The following MRC2 variants were observed in gnomAD, a reference collection of about 807,000 sequenced individuals.
MRC2 encodes the protein C-type mannose receptor 2.
MRC2 carries 84 observed loss-of-function variants against 206.2 expected under a neutral mutation model. The observed-to-expected ratio is 0.41, with a 90% CI of 0.34 to 0.49. The LOEUF (loss-of-function observed/expected upper bound fraction) is 0.49. Among genes scored for constraint, MRC2 ranks in the 20% least tolerant of loss-of-function variants. The probability of loss-of-function intolerance (pLI) is 0.31; values close to 1 mark genes in which losing one functional copy is unlikely to be tolerated. For synonymous variants in MRC2, 798 were observed against 800.0 expected (o/e 1.00, Z 0.04); for missense variants, 1,676 against 2,001.5 (o/e 0.84, Z 3.10).
chr17:62,690,630 C>A lies in MRC2; in HGVS notation c.3893-12C>A. ...ACCCATCCGCCCTGACGTGGGCCTT[C>A]TTTGCATCCAGCGGGTGGGGCCGTC... On this transcript the variant is annotated splice_polypyrimidine_tract_variant and intron_variant, in intron 26 of 29. Coordinates refer to ENST00000303375, the MANE Select transcript of MRC2 (RefSeq NM_006039.5). 6.3e-7 allele frequency: 1 copy of A among 1,592,742 alleles called. No homozygotes were observed. The highest frequency in any genetic ancestry group is 8.5e-7 in the Non-Finnish European group (1 of 1,169,962).
At chr17:62,677,200 C>A (rs2088903645) in intron 11 of MRC2, 69 bp from the exon 12 acceptor site, 1 of 1,341,588 alleles carries the variant, frequency 7.5e-7, no homozygotes, top group Non-Finnish European at 1.0e-6. Flanking sequence ...TAGTGCCCTG[C>A]CGGGATGTGA....
chr17:62,648,335 C>T (rs1568053468), intron 1 of MRC2, among the ~76,000 whole-genome samples: 1 of 152,200 alleles, frequency 6.6e-6, no homozygotes, highest in Non-Finnish European at 1.5e-5. Context: ...ACCCGGGAGG[C>T]GGAGGTTGCG....
intron 1 of MRC2, among the ~76,000 whole-genome samples, chr17:62,648,619 T>C (rs751814957): frequency 6.6e-6 from 1 of 152,132 alleles, no homozygotes; most frequent in Non-Finnish European, 1.5e-5. Context: ...TCTCCTTGCA[T>C]CTCCCTCCTG....
rs2089065933 is a variant in MRC2, at chr17:62,688,905, G to A, written c.3279G>A (p.Trp1093Ter). The change falls in exon 23 of 30, where the codon TGG becomes TGA. Residue 1093 changes from tryptophan to a stop codon, truncating the protein, a stop_gained. Transcript: ENST00000303375. LOFTEE classifies it high-confidence loss of function. ...HSPSAHFTGR[W>*]DDRSCTEETH... is the part of the protein sequence containing the mutation. ...CCTCAGCCCACTTCACTGGCCGCTG[G>A]GACGATCGGAGCTGCACGGAGGAGA... The A allele has an allele frequency of 2.5e-6, 4 of 1,613,820 alleles. No homozygotes were observed. Among genetic ancestry groups the A allele is most frequent in the Non-Finnish European group, 2.5e-6 (3 of 1,180,026 alleles).
In MRC2 at chr17:62,666,493, A is replaced by T. The variant is rs747812874; in HGVS notation, c.733A>T (p.Thr245Ser). Residue 245 changes from threonine to serine, a missense_variant, in exon 4 of 30, where the codon ACT becomes TCT. Coordinates refer to ENST00000303375, the MANE Select transcript of MRC2 (RefSeq NM_006039.5). This position sits in a 1 kb window ranked among gnomAD's most constrained non-coding sequence, Gnocchi z 5.0. Reference protein sequence around the residue: ...CETFWDKDQLTDSCYQFNFQS... With the variant: ...CETFWDKDQLSDSCYQFNFQS... The stretch of plus-strand genomic sequence containing the variant: ...GACCTTCTGGGACAAGGACCAGCTG[A>T]CTGACAGCTGCTACCAGTTTAACTT... The T allele has an allele frequency of 1.2e-6, 2 of 1,614,030 alleles. No individual in the cohort carries two copies. Among genetic ancestry groups the T allele is most frequent in the Admixed American group, 1.7e-5 (1 of 60,024 alleles).
At chr17:62,638,516 G>A (rs2088355625) in intron 1 of MRC2, among the ~76,000 whole-genome samples, 1 of 151,924 alleles carries the variant, frequency 6.6e-6, no homozygotes, top group African/African-American at 2.4e-5. Context: ...AAGGTGGGCG[G>A]ATCACGAGGT....
chr17:62,642,065 A>AT (rs545892586), intron 1 of MRC2, among the ~76,000 whole-genome samples: 166 of 152,140 alleles, frequency 1.1e-3, no homozygotes, highest in African/African-American at 3.7e-3. Flanking sequence ...AGCGGATGCA[A>AT]TTTTTTTTCT....
In MRC2 at chr17:62,680,756, GC is replaced by G; in HGVS notation, c.2474-42del. 6.6e-7 allele frequency: 1 copy of G among 1,510,074 alleles called. No individual in the cohort carries two copies. Among genetic ancestry groups the G allele is most frequent in the Non-Finnish European group, 8.8e-7 (1 of 1,131,438 alleles). 93.5% of individuals were successfully genotyped at this position (1,510,074 alleles called of 1,614,324 possible). The stretch of plus-strand genomic sequence containing the variant: ...GCCCGCCTCCGGGGCCTGGCGTGCA[GC>G]CTCTGCCTGGCCGCCGCTCCCACGC... On this transcript the variant is annotated intron_variant, in intron 16 of 29. Coordinates refer to ENST00000303375, the MANE Select transcript of MRC2 (RefSeq NM_006039.5). This position sits in a 1 kb window ranked among gnomAD's most constrained non-coding sequence, Gnocchi z 4.8.
At chr17:62,686,451 T>A (rs1296318698) in intron 20 of MRC2, among the ~76,000 whole-genome samples, 2 of 150,040 alleles carry the variant, frequency 1.3e-5, no homozygotes, top group African/African-American at 4.9e-5. Context: ...AGACTCCATC[T>A]CAACAACAAC....
At chr17:62,643,976 G>A (rs2088443477) in intron 1 of MRC2, among the ~76,000 whole-genome samples, 1 of 150,448 alleles carries the variant, frequency 6.6e-6, no homozygotes, top group South Asian at 2.1e-4. Flanking sequence ...TGTATTACAT[G>A]TGTGTGTATA....
intron 1 of MRC2, among the ~76,000 whole-genome samples, chr17:62,654,367 C>T (rs565190321): frequency 3.9e-5 from 6 of 152,050 alleles, no homozygotes; most frequent in East Asian, 1.9e-4. Context: ...CTTGGAATGC[C>T]TTCCTTGTCC....
chr17:62,691,058 C>T lies in MRC2; in HGVS notation c.4122C>T (p.Ser1374=). 6.2e-7 allele frequency: 1 copy of T among 1,609,762 alleles called. No homozygotes were observed. The highest frequency in any genetic ancestry group is 1.3e-5 in the African/African-American group (1 of 74,822). Residue 1374 remains serine (S), a synonymous_variant, in exon 28 of 30, where the codon AGC becomes AGT. Coordinates refer to ENST00000303375, the MANE Select transcript of MRC2 (RefSeq NM_006039.5). ...LSHNSCYWIQ[S]NSGLWRPGAC... is the part of the protein sequence containing the mutation. ...ACAACAGCTGCTACTGGATTCAGAG[C>T]AACAGCGGGCTATGGCGCCCCGGCG...
At chr17:62,669,746 G>C (rs1234711063) in intron 6 of MRC2, among the ~76,000 whole-genome samples, 1 of 151,714 alleles carries the variant, frequency 6.6e-6, no homozygotes, top group Middle Eastern at 3.4e-3. Flanking sequence ...TTTAGAGATG[G>C]GGTTTCACCA....
In MRC2 at chr17:62,674,853, C is replaced by T. The variant is rs563409150; in HGVS notation, c.1569+683C>T. Among the ~76,000 whole-genome samples, 4 of 152,212 alleles carry T rather than the reference C, an allele frequency of 2.6e-5. No individual in the cohort carries two copies. In the East Asian group the frequency reaches 7.7e-4, roughly 29 times the overall value. ...GCGGGGAGCTTGCTTCTAAAAGACA[C>T]TGCTTGGCCCTTGGCCCCCCCCAGC... is the stretch of plus-strand genomic sequence containing the variant. On this transcript the variant is annotated intron_variant, in intron 9 of 29. Transcript: ENST00000303375.
rs182169357 is a variant in MRC2, at chr17:62,649,685, C to G, written c.119-14863C>G. The stretch of plus-strand genomic sequence containing the variant: ...AGGGAATTGCCAATGTGTGGAGCAA[C>G]AGCTCATTAGGAAACGTGCCTTGAT... On this transcript the variant is annotated intron_variant, in intron 1 of 29. Transcript: ENST00000303375. Among the ~76,000 whole-genome samples, 37 of 152,196 alleles carry G rather than the reference C, an allele frequency of 2.4e-4. No individual in the cohort carries two copies. The East Asian group carries it at 7.2e-3, about 29-fold the overall frequency.
In MRC2 at chr17:62,666,605, A is replaced by C; in HGVS notation, c.845A>C (p.Gln282Pro). The change falls in exon 4 of 30, where the codon CAG (glutamine) becomes CCG (proline). Residue 282 changes from glutamine to proline, a missense_variant. Gln to Pro is a moderately conservative substitution (Grantham distance 76). Around this residue, in one of 3 missense-constraint regions of MRC2, gnomAD observed 1,354 missense variants for 1,636.6 expected, o/e 0.83. Transcript: ENST00000303375. The surrounding 1 kb of genome is among the most constrained non-coding windows in gnomAD (Gnocchi z 5.0). ...DLLSITEIHE[Q>P]TYINGLLTGY... ...CTGAGCATCACGGAGATCCACGAGC[A>C]GACCTACATCAACGGTGAGCCGGGG... The C allele has an allele frequency of 6.3e-7, 1 of 1,591,164 alleles. No individual in the cohort carries two copies. The highest frequency in any genetic ancestry group is 8.6e-7 in the Non-Finnish European group (1 of 1,168,508).
intron 2 of MRC2, 52 bp downstream of exon 2, chr17:62,665,001 T>G (rs760966284): frequency 2.0e-6 from 3 of 1,534,390 alleles, no homozygotes. Context: ...TCCAGGGGAC[T>G]GGAGCCATGA....
At chr17:62,654,159 C>T (rs983078601) in intron 1 of MRC2, among the ~76,000 whole-genome samples, 4 of 152,048 alleles carry the variant, frequency 2.6e-5, no homozygotes, top group African/African-American at 7.2e-5. Context: ...TGGGGAGGGG[C>T]AGTGAAGGGA....
At chr17:62,638,465 C>A (rs375212500) in intron 1 of MRC2, among the ~76,000 whole-genome samples, 1 of 152,068 alleles carries the variant, frequency 6.6e-6, no homozygotes, top group East Asian at 1.9e-4. Context: ...GATGGCCGGG[C>A]GTGGTGGTTC....
Sources: allele counts gnomAD v4.1 joint callset (sites outside exome capture counted in the v4.1 genomes callset), GRCh38; gene constraint gnomAD v4.1.1; regional missense constraint gnomAD v4.1.1; non-coding constraint Gnocchi (gnomAD v3.1); transcripts MANE v1.5; gene names NCBI Gene and HGNC (gene_info 2026-07-23, HGNC 2026-07-21).